Variants in TRDMT1 observed in about 807,000 individuals in gnomAD.
TRDMT1 encodes the protein tRNA aspartic acid methyltransferase 1, also known as tRNA (cytosine(38)-C(5))-methyltransferase.
In TRDMT1, 49 loss-of-function variants were observed where a neutral mutation model predicts 51.2. The observed-to-expected ratio is 0.96, with a 90% confidence interval of 0.76 to 1.21. TRDMT1 has a LOEUF of 1.21. TRDMT1 is among the 50% of genes most tolerant of loss of function. The pLI is 0.00. For synonymous variants in TRDMT1, 187 were observed against 164.6 expected, an observed-to-expected ratio of 1.14 and a Z score of -1.04; for missense variants, 534 against 462.3, an observed-to-expected ratio of 1.16 and a Z score of -1.42.
rs71377021 is a variant in TRDMT1, at chr10:17,145,277, C to CAAAACAAAACAAAACAAAACA, written c.*3762_*3763insTGTTTTGTTTTGTTTTGTTTT. On this transcript the variant is annotated 3_prime_UTR_variant, in exon 11 of 11. Coordinates refer to ENST00000377799, the MANE Select transcript of TRDMT1 (RefSeq NM_004412.7). ...CAAAACAAAACAAAACAAAACAAAACAAAAAAAACAGCAAAGGGAAACTCT... is the reference window on the plus strand; with the variant it reads ...CAAAACAAAACAAAACAAAACAAAACAAAACAAAACAAAACAAAACAAAAAAAAACAGCAAAGGGAAACTCT... The CAAAACAAAACAAAACAAAACA allele has an allele frequency of 1.1e-4, 105 of 941,836 alleles. 1 individual carries two copies. In the African/African-American group the frequency reaches 1.3e-3, roughly 12 times the overall value. 58.3% of individuals were successfully genotyped at this position (941,836 alleles called of 1,614,324 possible). A position where few individuals can be genotyped will look rare whatever the true frequency, so the allele number is the denominator to read the frequency against.
chr10:17,159,435 T>C (rs1284796034), intron 6 of TRDMT1, among the ~76,000 whole-genome samples: 2 of 152,188 alleles, frequency 1.3e-5, no homozygotes, highest in Non-Finnish European at 2.9e-5. Context: ...TTTATTTGAA[T>C]GAGTTAAAGA....
At position 17,145,373 on chromosome 10, in the gene TRDMT1, G is replaced by T. The variant is rs1838019157; in HGVS notation, c.*3667C>A. ...CCAGAAAAGTGCTTGCTAAGAAGCT[G>T]ATATGATAGTTGTATATAGCACATT... On this transcript the variant is annotated 3_prime_UTR_variant, in exon 11 of 11. Coordinates refer to ENST00000377799, the MANE Select transcript of TRDMT1 (RefSeq NM_004412.7). The T allele has an allele frequency of 1.5e-5, 15 of 985,348 alleles. No homozygotes were observed. The highest frequency in any genetic ancestry group is 1.7e-5 in the African/African-American group (1 of 57,246). 61.0% of individuals were successfully genotyped at this position (985,348 alleles called of 1,614,324 possible).
At position 17,147,271 on chromosome 10, in the gene TRDMT1, A is replaced by T. The variant is rs1838200126; in HGVS notation, c.*1769T>A. On this transcript the variant is annotated 3_prime_UTR_variant, in exon 11 of 11. Coordinates refer to ENST00000377799, the MANE Select transcript of TRDMT1 (RefSeq NM_004412.7). ...GACTTGTAATAGGCTCTGTCTGAAC[A>T]CATATGAAAAATGTAGATAGTGATA... The T allele has an allele frequency of 2.0e-6, 2 of 985,746 alleles. No individual in the cohort carries two copies. Among genetic ancestry groups the T allele is most frequent in the Non-Finnish European group, 2.4e-6 (2 of 829,914 alleles). The allele number at this position is 985,746 out of a possible 1,614,324, so 61.1% of individuals were successfully genotyped here.
At chr10:17,169,211 G>T in intron 2 of TRDMT1, 2 of 647,580 alleles carry the variant, frequency 3.1e-6, no homozygotes, top group Non-Finnish European at 4.5e-6. Flanking sequence ...CACACCTCAA[G>T]TGTAACACTG....
chr10:17,161,162 T>C (rs1318752665), intron 5 of TRDMT1, among the ~76,000 whole-genome samples: 1 of 152,184 alleles, frequency 6.6e-6, no homozygotes, highest in Non-Finnish European at 1.5e-5. Context: ...GGACCAATTC[T>C]TACTGAAAAC....
intron 10 of TRDMT1, chr10:17,151,705 G>T (rs893269935): frequency 5.1e-5 from 45 of 881,720 alleles, no homozygotes; most frequent in African/African-American, 2.9e-4. Context: ...TTTAAAAAAT[G>T]AGAAAAATAT....
Position 17,161,767 on chromosome 10 carries a change from G to A in TRDMT1, c.324-219C>T, listed in dbSNP as rs140354976. On this transcript the variant is annotated intron_variant, in intron 4 of 10. Coordinates refer to ENST00000377799, the MANE Select transcript of TRDMT1 (RefSeq NM_004412.7). ...ATTTGAAATGTTGATTTCCATTGAAGTTTATCTCAAGCATGGGTTCACACA... is the reference window on the plus strand; with the variant it reads ...ATTTGAAATGTTGATTTCCATTGAAATTTATCTCAAGCATGGGTTCACACA... Among the ~76,000 whole-genome samples, 4 of 152,296 alleles carry A rather than the reference G, an allele frequency of 2.6e-5. No individual in the cohort carries two copies. The East Asian group carries it at 7.7e-4, about 29-fold the overall frequency.
rs1837454366 is a variant in TRDMT1 at position 17,137,638 on chromosome 10, C to G, written c.*11402G>C. On this transcript the variant is annotated 3_prime_UTR_variant, in exon 11 of 11. Coordinates refer to ENST00000377799, the MANE Select transcript of TRDMT1 (RefSeq NM_004412.7). ...TTTGAGGTCAGGAATTTGAGACCAG[C>G]CAAAATGGTGAAACCCTGTCTCTAC... is the stretch of plus-strand genomic sequence containing the variant. 1 of 152,114 alleles carries G rather than the reference C, an allele frequency of 6.6e-6. No homozygotes were observed. Among genetic ancestry groups the G allele is most frequent in the East Asian group, 1.9e-4 (1 of 5,166 alleles). 9.4% of individuals were successfully genotyped at this position (152,114 alleles called of 1,614,324 possible).
chr10:17,164,218 G>C (rs1313582699), intron 3 of TRDMT1, among the ~76,000 whole-genome samples: 1 of 152,068 alleles, frequency 6.6e-6, no homozygotes, highest in Admixed American at 6.6e-5. Context: ...TTCAACACAA[G>C]CAAATCAATA....
chr10:17,151,570 G>A (rs939916046), intron 10 of TRDMT1: 1 of 985,556 alleles, frequency 1.0e-6, no homozygotes, highest in African/African-American at 1.7e-5. Flanking sequence ...ATCAGGGTAA[G>A]CTCAACTCCA....
At position 17,188,896 on chromosome 10, in the gene TRDMT1, C is replaced by T. The variant is rs904194123; in HGVS notation, c.64+12675G>A. 4.6e-5 allele frequency among the ~76,000 whole-genome samples: 7 copies of T among 152,298 alleles called. No individual in the cohort carries two copies. In the South Asian group the frequency reaches 6.2e-4, roughly 14 times the overall value. On this transcript the variant is annotated intron_variant, in intron 1 of 10. Transcript: ENST00000377799. ...TTTTCAAAAGGCTTGTTTACAATAA[C>T]ATCCAACACTTGTAATTGTGAGGTC... is the stretch of plus-strand genomic sequence containing the variant.
intron 1 of TRDMT1, among the ~76,000 whole-genome samples, chr10:17,187,230 C>T (rs1408219717): frequency 1.3e-5 from 2 of 152,040 alleles, no homozygotes; most frequent in Non-Finnish European, 2.9e-5. Flanking sequence ...AATTTTTTAA[C>T]AAATGTATTA....
chr10:17,199,599 A>C (rs2131642257), intron 1 of TRDMT1, among the ~76,000 whole-genome samples: 1 of 152,314 alleles, frequency 6.6e-6, no homozygotes, highest in African/African-American at 2.4e-5. Context: ...TGGCAGATAA[A>C]ATTGAAGAGA....
At position 17,157,662 on chromosome 10, in the gene TRDMT1, A is replaced by G. The variant is rs965892527; in HGVS notation, c.666T>C (p.Cys222=). 1 of 1,613,450 alleles carries G rather than the reference A, an allele frequency of 6.2e-7. No homozygotes were observed. The highest frequency in any genetic ancestry group is 8.5e-7 in the Non-Finnish European group (1 of 1,179,732). ...TAAAAAGAATGGCATCTTTTCCAGA[A>G]CACTGTATGCTGCCATCAAAGCTAA... The part of the protein sequence containing the change: ...PNISFDGSIQ[C]SGKDAILFKL... The change falls in exon 8 of 11, where the codon TGT becomes TGC. Residue 222 remains cysteine, a synonymous_variant. Coordinates refer to ENST00000377799, the MANE Select transcript of TRDMT1 (RefSeq NM_004412.7).
At chr10:17,160,411 G>C in intron 5 of TRDMT1, 37 bp from the exon 6 acceptor site, 1 of 1,327,190 alleles carries the variant, frequency 7.5e-7, no homozygotes, top group African/African-American at 1.5e-5. Flanking sequence ...TTCTTACTTG[G>C]AAAGGCAGTT....
chr10:17,174,664 T>C lies in TRDMT1; in HGVS notation c.65-4A>G. 1 of 1,603,260 alleles carries C rather than the reference T, an allele frequency of 6.2e-7. No homozygotes were observed. The highest frequency in any genetic ancestry group is 2.2e-5 in the East Asian group (1 of 44,814). On this transcript the variant is annotated splice_region_variant and splice_polypyrimidine_tract_variant and intron_variant, in intron 1 of 10. Transcript: ENST00000377799. Reference sequence around the variant, plus strand: ...ACTTGTGCAGGTATACAGCTTTCTGTAATGATAAATGGAGTATCTTGAAAA... The same window carrying C: ...ACTTGTGCAGGTATACAGCTTTCTGCAATGATAAATGGAGTATCTTGAAAA...
At chr10:17,175,949 T>G (rs1036210846) in intron 1 of TRDMT1, among the ~76,000 whole-genome samples, 3 of 152,198 alleles carry the variant, frequency 2.0e-5, no homozygotes, top group Admixed American at 6.5e-5. Flanking sequence ...AACTTGGTGG[T>G]CTAATCAGTA....
At position 17,148,788 on chromosome 10, in the gene TRDMT1, C is replaced by A; in HGVS notation, c.*252G>T. The A allele has an allele frequency of 9.4e-7, 1 of 1,062,844 alleles. No homozygotes were observed. Among genetic ancestry groups the A allele is most frequent in the Non-Finnish European group, 1.2e-6 (1 of 867,268 alleles). The allele number at this position is 1,062,844 out of a possible 1,614,324, so 65.8% of individuals were successfully genotyped here. On this transcript the variant is annotated 3_prime_UTR_variant, in exon 11 of 11. Coordinates refer to ENST00000377799, the MANE Select transcript of TRDMT1 (RefSeq NM_004412.7). ...AATTGTTTTTAAAAAGAATATTCCA[C>A]ATATATATTTATCAGTTTCATATGA... is the stretch of plus-strand genomic sequence containing the variant.
chr10:17,195,645 C>T (rs139534123), intron 1 of TRDMT1, among the ~76,000 whole-genome samples: 2 of 152,030 alleles, frequency 1.3e-5, no homozygotes, highest in East Asian at 1.9e-4. Context: ...AAATACTTTG[C>T]AGTGAAGTAA....
Sources: gnomAD v4.1 joint callset for allele counts (sites outside exome capture counted in the v4.1 genomes callset) on GRCh38, gnomAD v4.1.1 for gene constraint, MANE v1.5 for transcripts, NCBI Gene and HGNC (gene_info 2026-07-23, HGNC 2026-07-21) for gene names.